Variants in NEDD4L observed in about 807,000 individuals in gnomAD.
NEDD4L encodes E3 ubiquitin-protein ligase NEDD4-like.
A neutral mutation model predicts 148.9 loss-of-function variants in NEDD4L; 54 were observed. The ratio of observed to expected loss-of-function variants is 0.36; its 90% CI spans 0.29 to 0.45. The LOEUF (loss-of-function observed/expected upper bound fraction) is 0.45. Among genes scored for constraint, NEDD4L ranks in the 20% least tolerant of loss-of-function variants. The pLI is 1.00. For synonymous variants in NEDD4L, 433 were observed against 440.7 expected, an observed-to-expected ratio of 0.98 and a Z score of 0.22; for missense variants, 856 against 1,233.8, an observed-to-expected ratio of 0.69 and a Z score of 4.59.
chr18:58,320,439 C>T (rs1433940901), intron 6 of NEDD4L, among the ~76,000 whole-genome samples: 1 of 152,196 alleles, frequency 6.6e-6, no homozygotes, highest in Non-Finnish European at 1.5e-5. Flanking sequence ...GACATGATGG[C>T]TCTTCCCTTG....
At chr18:58,214,563 G>A (rs2042938832) in intron 2 of NEDD4L, among the ~76,000 whole-genome samples, 1 of 150,824 alleles carries the variant, frequency 6.6e-6, no homozygotes, top group Admixed American at 6.6e-5. Flanking sequence ...ACTTAGAACA[G>A]TGCTGTCATA....
Position 58,256,353 on chromosome 18 carries a change from G to C in NEDD4L, c.297+4299G>C. ...GTTCCAGATGCTTCTGGAAGCTCTGGGAAGCGGTGTTTTGTCTTCCAGTTG... is the reference window on the plus strand; with the variant it reads ...GTTCCAGATGCTTCTGGAAGCTCTGCGAAGCGGTGTTTTGTCTTCCAGTTG... On this transcript the variant is annotated intron_variant, in intron 5 of 30. Transcript: ENST00000400345. The surrounding 1 kb of genome is among the most constrained non-coding windows in gnomAD (Gnocchi z 5.2). The C allele has an allele frequency of 8.1e-7, 1 of 1,232,196 alleles. No homozygotes were observed. Among genetic ancestry groups the C allele is most frequent in the South Asian group, 4.1e-5 (1 of 24,324 alleles). 76.3% of individuals were successfully genotyped at this position (1,232,196 alleles called of 1,614,324 possible).
Position 58,396,359 on chromosome 18 carries a change from A to G in NEDD4L, c.*90A>G. Reference sequence around the variant, plus strand: ...AACAGACTTTTGCAGAGGCGATGGCAGAGAGCAGCTGCAGGCATGGTCCCT... The same window carrying G: ...AACAGACTTTTGCAGAGGCGATGGCGGAGAGCAGCTGCAGGCATGGTCCCT... On this transcript the variant is annotated 3_prime_UTR_variant, in exon 31 of 31. Coordinates refer to ENST00000400345, the MANE Select transcript of NEDD4L (RefSeq NM_001144967.3). The G allele has an allele frequency of 1.2e-6, 1 of 839,370 alleles. No homozygotes were observed. Among genetic ancestry groups the G allele is most frequent in the Admixed American group, 2.1e-5 (1 of 48,616 alleles). 52.0% of individuals were successfully genotyped at this position (839,370 alleles called of 1,614,324 possible). A position where few individuals can be genotyped will look rare whatever the true frequency, so the allele number is the denominator to read the frequency against.
intron 1 of NEDD4L, among the ~76,000 whole-genome samples, chr18:58,088,524 C>T (rs560872721): frequency 4.9e-4 from 74 of 152,172 alleles, no homozygotes; most frequent in South Asian, 1.5e-3. Context: ...TATACAAAGC[C>T]TCTCATAGTA....
At chr18:58,097,127 C>T (rs8088506) in intron 1 of NEDD4L, among the ~76,000 whole-genome samples, 7,153 of 152,096 alleles carry the variant, frequency 0.047, 574 homozygotes, top group African/African-American at 0.16. Flanking sequence ...AGTGAATGCA[C>T]GAAGATTGTT....
intron 5 of NEDD4L, among the ~76,000 whole-genome samples, chr18:58,266,523 A>G (rs2050240972): frequency 6.6e-6 from 1 of 152,106 alleles, no homozygotes; most frequent in Non-Finnish European, 1.5e-5. Context: ...GTTCTAGTAA[A>G]TACTGGAGAA....
At chr18:58,342,408 T>C (rs547494816) in intron 15 of NEDD4L, among the ~76,000 whole-genome samples, 2 of 152,322 alleles carry the variant, frequency 1.3e-5, no homozygotes, top group South Asian at 2.1e-4. Flanking sequence ...AGCTGTGGGC[T>C]TCTCCACGCC....
intron 1 of NEDD4L, among the ~76,000 whole-genome samples, chr18:58,121,865 C>G (rs1408756660): frequency 6.6e-6 from 1 of 152,214 alleles, no homozygotes; most frequent in Non-Finnish European, 1.5e-5. Context: ...CATTCCCTTC[C>G]CATGTCTTAT....
intron 1 of NEDD4L, among the ~76,000 whole-genome samples, chr18:58,050,328 G>A (rs1181452161): frequency 6.6e-6 from 1 of 151,668 alleles, no homozygotes; most frequent in African/African-American, 2.4e-5. Context: ...AAATCAGCTG[G>A]GTGTGGTGGT....
intron 30 of NEDD4L, among the ~76,000 whole-genome samples, chr18:58,395,613 G>A (rs1420628727): frequency 2.6e-5 from 4 of 151,912 alleles, no homozygotes; most frequent in African/African-American, 4.8e-5. Context: ...CCCGAGCCCC[G>A]GACAGCCTGG....
At chr18:58,321,081 C>T (rs2058729965) in intron 6 of NEDD4L, among the ~76,000 whole-genome samples, 1 of 152,134 alleles carries the variant, frequency 6.6e-6, no homozygotes. Context: ...TACTTGGTGC[C>T]AGGCAATGTT....
chr18:58,182,812 CT>C (rs2039009006), intron 2 of NEDD4L, among the ~76,000 whole-genome samples: 1 of 152,156 alleles, frequency 6.6e-6, no homozygotes, highest in Admixed American at 6.5e-5. Context: ...ATTTCTGCCC[CT>C]GTAGTGTTCT....
Position 58,065,963 on chromosome 18 carries a change from A to T in NEDD4L, c.48+21255A>T, listed in dbSNP as rs188345667. ...AAATAAGTGTTTAGAGTCCCAAGGT[A>T]TATGTAATGGCATATGAAATGCCTA... On this transcript the variant is annotated intron_variant, in intron 1 of 30. Coordinates refer to ENST00000400345, the MANE Select transcript of NEDD4L (RefSeq NM_001144967.3). 4.6e-5 allele frequency among the ~76,000 whole-genome samples: 7 copies of T among 152,368 alleles called. No individual in the cohort carries two copies. In the East Asian group the frequency reaches 1.3e-3, roughly 29 times the overall value.
At chr18:58,196,934 G>A (rs937193940) in intron 2 of NEDD4L, among the ~76,000 whole-genome samples, 2 of 152,090 alleles carry the variant, frequency 1.3e-5, no homozygotes, top group African/African-American at 4.8e-5. Context: ...GGGAAGAGGA[G>A]ATGGTGAGGA....
intron 2 of NEDD4L, among the ~76,000 whole-genome samples, chr18:58,240,996 G>A (rs2046565781): frequency 6.6e-6 from 1 of 152,080 alleles, no homozygotes; most frequent in Admixed American, 6.5e-5. Flanking sequence ...TTTTAGTAGA[G>A]ACGAGATTTT....
intron 2 of NEDD4L, among the ~76,000 whole-genome samples, chr18:58,223,352 A>T (rs1309513258): frequency 6.6e-6 from 1 of 152,190 alleles, no homozygotes; most frequent in Non-Finnish European, 1.5e-5. Flanking sequence ...AAAAGATATA[A>T]AATGAAGGCA....
At chr18:58,211,873 G>C (rs1392912652) in intron 2 of NEDD4L, among the ~76,000 whole-genome samples, 10 of 152,212 alleles carry the variant, frequency 6.6e-5, no homozygotes, top group Non-Finnish European at 1.5e-4. Flanking sequence ...TGATAGTTCA[G>C]TACTGTTGAG....
At chr18:58,137,643 A>G (rs888531039) in intron 1 of NEDD4L, among the ~76,000 whole-genome samples, 4 of 152,144 alleles carry the variant, frequency 2.6e-5, no homozygotes, top group South Asian at 2.1e-4. Flanking sequence ...TCTCCAAAAC[A>G]TGATTGTGGT....
At chr18:58,045,233 C>G (rs1220253977) in intron 1 of NEDD4L, 2 of 397,792 alleles carry the variant, frequency 5.0e-6, no homozygotes, top group East Asian at 3.6e-5. Context: ...GAATGGGGGA[C>G]ACGCTGCGTG....
Sources: gnomAD v4.1 joint callset for allele counts (sites outside exome capture counted in the v4.1 genomes callset) on GRCh38, gnomAD v4.1.1 for gene constraint, Gnocchi (gnomAD v3.1) non-coding constraint, MANE v1.5 for transcripts, NCBI Gene and HGNC (gene_info 2026-07-23, HGNC 2026-07-21) for gene names.